FIG4: variants seen among roughly 807,000 people sequenced by gnomAD.
The protein encoded by FIG4 is FIG4 phosphoinositide 5-phosphatase, also known as polyphosphoinositide phosphatase.
FIG4 carries 112 observed loss-of-function variants against 118.6 expected under a neutral mutation model. That is an observed-to-expected ratio of 0.94 (90% CI 0.81 to 1.11). The LOEUF (loss-of-function observed/expected upper bound fraction) is 1.11, where lower values mean the gene tolerates loss of function less well. FIG4 is among the 50% of genes least tolerant of loss of function. The pLI is 0.00. For synonymous variants in FIG4, 369 were observed against 381.2 expected (o/e 0.97, Z 0.37); for missense variants, 969 against 1,111.7 (o/e 0.87, Z 1.83).
intron 10 of FIG4, among the ~76,000 whole-genome samples, chr6:109,754,841 T>G (rs1445416284): frequency 6.6e-6 from 1 of 152,228 alleles, no homozygotes. Context: ...TCTTTATTAG[T>G]CTTGCTAGCA....
At chr6:109,769,080 A>G (rs1777368970) in intron 15 of FIG4, among the ~76,000 whole-genome samples, 1 of 149,366 alleles carries the variant, frequency 6.7e-6, no homozygotes, top group Non-Finnish European at 1.5e-5. Context: ...AGGGGTCATT[A>G]TTGACACTTA....
chr6:109,778,431 C>T (rs574119511), intron 16 of FIG4, among the ~76,000 whole-genome samples: 10 of 149,082 alleles, frequency 6.7e-5, no homozygotes, highest in South Asian at 2.1e-4. Context: ...GATGGTGCCA[C>T]GGCACTCCAA....
intron 1 of FIG4, among the ~76,000 whole-genome samples, chr6:109,692,004 A>G (rs1774461101): frequency 6.6e-6 from 1 of 152,200 alleles, no homozygotes; most frequent in Non-Finnish European, 1.5e-5. Flanking sequence ...ATTTGAAAGG[A>G]AAGGAAAACT....
intron 21 of FIG4, among the ~76,000 whole-genome samples, chr6:109,796,113 C>G (rs1778280081): frequency 6.6e-6 from 1 of 152,252 alleles, no homozygotes; most frequent in Non-Finnish European, 1.5e-5. Flanking sequence ...TGCCTTAGTG[C>G]TGTTCAAGTC....
intron 22 of FIG4, among the ~76,000 whole-genome samples, chr6:109,802,360 G>C (rs1778449215): frequency 6.6e-6 from 1 of 152,090 alleles, no homozygotes. Context: ...ACAAGTTCCT[G>C]CCATACATAT....
chr6:109,756,983 C>A (rs534803991), intron 10 of FIG4, among the ~76,000 whole-genome samples: 2 of 152,326 alleles, frequency 1.3e-5, no homozygotes, highest in Admixed American at 1.3e-4. Flanking sequence ...TGGTGAGGAA[C>A]TGCATTCCTC....
chr6:109,794,568 C>T (rs909497829), intron 21 of FIG4, among the ~76,000 whole-genome samples: 4 of 152,204 alleles, frequency 2.6e-5, no homozygotes, highest in Admixed American at 6.5e-5. Flanking sequence ...GTAACTGTGC[C>T]AGAGGGTGAC....
At chr6:109,805,201 A>G (rs529643945) in intron 22 of FIG4, among the ~76,000 whole-genome samples, 4 of 152,300 alleles carry the variant, frequency 2.6e-5, no homozygotes, top group African/African-American at 9.6e-5. Context: ...ACAGGATACA[A>G]GGGACCATGG....
At chr6:109,736,048 G>A (rs1478204385) in intron 6 of FIG4, among the ~76,000 whole-genome samples, 1 of 152,100 alleles carries the variant, frequency 6.6e-6, no homozygotes, top group East Asian at 1.9e-4. Flanking sequence ...TGTAAAGCTA[G>A]AGGCATTGCT....
intron 22 of FIG4, among the ~76,000 whole-genome samples, chr6:109,814,606 A>G (rs1778809518): frequency 6.6e-6 from 1 of 152,124 alleles, no homozygotes; most frequent in Non-Finnish European, 1.5e-5. Context: ...TCTTACTATG[A>G]GATCCTAACG....
intron 15 of FIG4, among the ~76,000 whole-genome samples, chr6:109,774,104 G>T (rs1478020470): frequency 6.6e-6 from 1 of 152,138 alleles, no homozygotes; most frequent in East Asian, 1.9e-4. Flanking sequence ...GAGCCTCCAT[G>T]CCTGGCCATT....
chr6:109,740,623 T>C (rs1205075092), intron 7 of FIG4, among the ~76,000 whole-genome samples: 1 of 152,130 alleles, frequency 6.6e-6, no homozygotes, highest in Non-Finnish European at 1.5e-5. Context: ...AGGTGACAAA[T>C]TTTGACTGCT....
chr6:109,784,207 T>A lies in FIG4; in HGVS notation c.1890-763T>A, dbSNP rs528350523. 2.0e-5 allele frequency among the ~76,000 whole-genome samples: 3 copies of A among 152,308 alleles called. No homozygotes were observed. In the East Asian group the frequency reaches 5.8e-4, roughly 29 times the overall value. ...TAGCTCTCATGAACTTTGACATATA[T>A]CCTTTTCCTCTAAATATTCATTTCA... On this transcript the variant is annotated intron_variant, in intron 16 of 22. Transcript: ENST00000230124.
chr6:109,771,562 G>C (rs1360888645), intron 15 of FIG4, among the ~76,000 whole-genome samples: 1 of 140,162 alleles, frequency 7.1e-6, no homozygotes, highest in Non-Finnish European at 1.5e-5. Flanking sequence ...TCCGCCTCCT[G>C]GGTTCATGCC....
In FIG4 at chr6:109,738,372, G is replaced by A. The variant is rs1452352668; in HGVS notation, c.694G>A (p.Gly232Ser). The change falls in exon 7 of 23, where the codon GGT becomes AGT. Residue 232 changes from glycine to serine, a missense_variant. Gly to Ser is a moderately conservative substitution (Grantham distance 56). This residue lies in a region of FIG4 where 393 missense variants were observed against 409.4 expected (regional missense o/e 0.96). Transcript: ENST00000230124. The part of the protein sequence containing the change: ...SEPYMKYVWN[G>S]ELLDIIKSTV... Reference sequence around the variant, plus strand: ...GCCTTATATGAAATATGTATGGAATGGTGAACTTCTGGATATAATTAAAAG... The same window carrying A: ...GCCTTATATGAAATATGTATGGAATAGTGAACTTCTGGATATAATTAAAAG... The A allele has an allele frequency of 6.2e-7, 1 of 1,610,268 alleles. No individual in the cohort carries two copies.
chr6:109,725,525 C>T (rs1444366722), intron 3 of FIG4, among the ~76,000 whole-genome samples: 1 of 152,076 alleles, frequency 6.6e-6, no homozygotes, highest in Admixed American at 6.6e-5. Flanking sequence ...TGGGTTGGTT[C>T]CAAGTTTTTG....
chr6:109,709,266 A>G (rs957463622), intron 1 of FIG4, among the ~76,000 whole-genome samples: 3 of 152,080 alleles, frequency 2.0e-5, no homozygotes, highest in Non-Finnish European at 4.4e-5. Context: ...AAGACTAGAT[A>G]GTTGTAGATG....
chr6:109,788,671 T>C (rs1017171136), intron 18 of FIG4, among the ~76,000 whole-genome samples: 1 of 152,186 alleles, frequency 6.6e-6, no homozygotes, highest in East Asian at 1.9e-4. Context: ...AAACGATCAA[T>C]TGTGTATGTT....
intron 1 of FIG4, among the ~76,000 whole-genome samples, chr6:109,701,392 G>A (rs1295100730): frequency 6.6e-6 from 1 of 152,216 alleles, no homozygotes; most frequent in African/African-American, 2.4e-5. Context: ...GTTATCCTGG[G>A]TGAAATTGCA....
Sources: allele counts gnomAD v4.1 joint callset (sites outside exome capture counted in the v4.1 genomes callset), GRCh38; gene constraint gnomAD v4.1.1; regional missense constraint gnomAD v4.1.1; transcripts MANE v1.5; gene names NCBI Gene and HGNC (gene_info 2026-07-23, HGNC 2026-07-21).